Variants in SORCS3 observed in about 807,000 individuals in gnomAD.
SORCS3 encodes the protein VPS10 domain-containing receptor SorCS3.
In SORCS3, 57 loss-of-function variants were observed where a neutral mutation model predicts 146.3. That is an observed-to-expected ratio of 0.39 (90% CI 0.31 to 0.49). The LOEUF (loss-of-function observed/expected upper bound fraction) is 0.49, where lower values mean the gene tolerates loss of function less well. Ranked by LOEUF, SORCS3 falls within the 20% of genes least tolerant of loss-of-function variation. The probability of loss-of-function intolerance (pLI) is 0.92; values close to 1 mark genes in which losing one functional copy is unlikely to be tolerated. For synonymous variants in SORCS3, 653 were observed against 618.5 expected, an observed-to-expected ratio of 1.06 and a Z score of -0.83; for missense variants, 1,341 against 1,575.5, an observed-to-expected ratio of 0.85 and a Z score of 2.52.
chr10:104,785,828 G>C (rs2017428546), intron 1 of SORCS3, among the ~76,000 whole-genome samples: 1 of 152,132 alleles, frequency 6.6e-6, no homozygotes, highest in South Asian at 2.1e-4. Context: ...TTCCTTGGGG[G>C]CATGGATCCC....
intron 3 of SORCS3, among the ~76,000 whole-genome samples, chr10:104,973,585 T>G (rs913590287): frequency 6.6e-6 from 1 of 150,512 alleles, no homozygotes; most frequent in Non-Finnish European, 1.5e-5. Context: ...TTCTTCTCTC[T>G]TTTTTTCTTT....
At chr10:104,774,017 T>C (rs1292031280) in intron 1 of SORCS3, among the ~76,000 whole-genome samples, 6 of 152,198 alleles carry the variant, frequency 3.9e-5, no homozygotes, top group Non-Finnish European at 8.8e-5. Context: ...CTCTGTTCCT[T>C]CTGGATTGTT....
In SORCS3 at chr10:104,723,696, G is replaced by T. The variant is rs147139254; in HGVS notation, c.627+81742G>T. On this transcript the variant is annotated intron_variant, in intron 1 of 26. Transcript: ENST00000369701. ...GGTGCATATATATTTAGGATAGTTA[G>T]CTCTTCTTGTTGAATTGATCCCTTT... Among the ~76,000 whole-genome samples the T allele has an allele frequency of 5.1e-3, 772 of 152,316 alleles. 8 individuals are homozygous for T. Among genetic ancestry groups the T allele is most frequent in the African/African-American group, 0.018 (753 of 41,558 alleles).
chr10:105,167,725 G>C (rs1267577475), intron 13 of SORCS3, among the ~76,000 whole-genome samples: 1 of 152,186 alleles, frequency 6.6e-6, no homozygotes, highest in East Asian at 1.9e-4. Context: ...TTGAGTTAGT[G>C]GTTTCTATGA....
intron 4 of SORCS3, among the ~76,000 whole-genome samples, chr10:105,021,325 A>G (rs1027480542): frequency 1.3e-5 from 2 of 152,142 alleles, no homozygotes; most frequent in African/African-American, 4.8e-5. Flanking sequence ...AAGCCCTTGT[A>G]TGATCTATAT....
intron 2 of SORCS3, among the ~76,000 whole-genome samples, chr10:104,895,175 C>T (rs2018786511): frequency 6.6e-6 from 1 of 152,160 alleles, no homozygotes; most frequent in Non-Finnish European, 1.5e-5. Context: ...TCTGCCTTCA[C>T]CCAGCATGCC....
At chr10:105,235,529 T>C (rs1296846417) in intron 20 of SORCS3, among the ~76,000 whole-genome samples, 1 of 151,698 alleles carries the variant, frequency 6.6e-6, no homozygotes, top group Non-Finnish European at 1.5e-5. Flanking sequence ...TTGCTTATCC[T>C]AGAGAAAGCT....
intron 1 of SORCS3, among the ~76,000 whole-genome samples, chr10:104,720,432 A>G (rs2133444455): frequency 6.6e-6 from 1 of 152,340 alleles, no homozygotes; most frequent in African/African-American, 2.4e-5. Context: ...TGCCACAATA[A>G]ACATAAGTGT....
At chr10:104,955,254 A>G (rs2019476167) in intron 3 of SORCS3, among the ~76,000 whole-genome samples, 1 of 152,176 alleles carries the variant, frequency 6.6e-6, no homozygotes, top group South Asian at 2.1e-4. Flanking sequence ...GATATTTCAT[A>G]TAAATGGAGA....
rs976146370 is a variant in SORCS3, at chr10:105,262,312, T to G, written c.3444-19T>G. 3 of 1,607,654 alleles carry G rather than the reference T, an allele frequency of 1.9e-6. No individual in the cohort carries two copies. In the African/African-American group the frequency reaches 4.0e-5, roughly 21 times the overall value. ...CACACCCTGTGATCTTAACCTGATT[T>G]TGCTCCTGTCCCATGTAGGAAAATC... is the stretch of plus-strand genomic sequence containing the variant. On this transcript the variant is annotated intron_variant, in intron 25 of 26. Transcript: ENST00000369701.
At chr10:104,845,053 C>T (rs1007591783) in intron 2 of SORCS3, among the ~76,000 whole-genome samples, 2 of 152,168 alleles carry the variant, frequency 1.3e-5, no homozygotes, top group Admixed American at 6.5e-5. Context: ...GTACCAACCA[C>T]ACTTTTCCTG....
At chr10:104,965,551 T>TCCAACTTTTCACATCCCTG (rs2054821839) in intron 3 of SORCS3, among the ~76,000 whole-genome samples, 1 of 152,238 alleles carries the variant, frequency 6.6e-6, no homozygotes, top group Non-Finnish European at 1.5e-5. Flanking sequence ...TCACAAGGGT[T>TCCAACTTTTCACATCCCTG]CCAACTTTTC....
intron 3 of SORCS3, among the ~76,000 whole-genome samples, chr10:104,945,488 A>G (rs2019361118): frequency 6.6e-6 from 1 of 150,746 alleles, no homozygotes; most frequent in South Asian, 2.1e-4. Context: ...CGAACTCCTG[A>G]CTTCGAGTGA....
rs769000126 is a variant in SORCS3, at chr10:104,832,263, C to T, written c.628-10529C>T. Among the ~76,000 whole-genome samples the T allele has an allele frequency of 2.4e-4, 36 of 152,152 alleles. 1 individual carries two copies. The highest frequency in any genetic ancestry group is 5.9e-4 in the Admixed American group (9 of 15,276). ...CATAATAATAATAATAGGTTTCAGA[C>T]ATCATTCTCTTTGTCCTCATTATAA... On this transcript the variant is annotated intron_variant, in intron 1 of 26. Transcript: ENST00000369701.
At chr10:105,171,113 A>G (rs1168965576) in intron 13 of SORCS3, among the ~76,000 whole-genome samples, 1 of 152,172 alleles carries the variant, frequency 6.6e-6, no homozygotes, top group African/African-American at 2.4e-5. Flanking sequence ...TCAGATTTAA[A>G]TAATAGCTAC....
At chr10:105,129,269 T>G (rs2055998295) in intron 7 of SORCS3, among the ~76,000 whole-genome samples, 1 of 151,898 alleles carries the variant, frequency 6.6e-6, no homozygotes, top group South Asian at 2.1e-4. Context: ...CTAGATCTCT[T>G]GCAATATCTT....
At chr10:105,187,305 C>A (rs540116374) in intron 14 of SORCS3, among the ~76,000 whole-genome samples, 2 of 152,222 alleles carry the variant, frequency 1.3e-5, no homozygotes, top group Non-Finnish European at 2.9e-5. Context: ...CTAACAGTCT[C>A]CACTTACAGG....
chr10:104,808,166 C>A (rs2017700409), intron 1 of SORCS3, among the ~76,000 whole-genome samples: 2 of 152,116 alleles, frequency 1.3e-5, no homozygotes, highest in South Asian at 4.1e-4. Context: ...TTGGCACCAA[C>A]AGAACTAGGA....
intron 4 of SORCS3, among the ~76,000 whole-genome samples, chr10:104,996,202 A>AGG (rs2055025852): frequency 6.6e-6 from 1 of 152,122 alleles, no homozygotes; most frequent in African/African-American, 2.4e-5. Flanking sequence ...TTGAGAATCA[A>AGG]TTTGTTTATT....
Sources: allele counts gnomAD v4.1 joint callset (sites outside exome capture counted in the v4.1 genomes callset), GRCh38; gene constraint gnomAD v4.1.1; transcripts MANE v1.5; gene names NCBI Gene and HGNC (gene_info 2026-07-23, HGNC 2026-07-21).